Variants in GLIPR1L1 observed in about 807,000 individuals in gnomAD.
GLIPR1L1 encodes the protein GLIPR1-like protein 1.
Under a neutral mutation model 29.9 loss-of-function variants are expected in GLIPR1L1, and 26 were observed. That is an observed-to-expected ratio of 0.87 (90% confidence interval 0.64 to 1.21). GLIPR1L1 has a LOEUF of 1.21. Ranked by LOEUF, GLIPR1L1 falls within the 50% of genes most tolerant of loss-of-function variation. GLIPR1L1 has a pLI of 0.00. For synonymous variants in GLIPR1L1, 77 were observed against 97.5 expected, an observed-to-expected ratio of 0.79 and a Z score of 1.24; for missense variants, 305 against 290.3, an observed-to-expected ratio of 1.05 and a Z score of -0.37.
intron 4 of GLIPR1L1, among the ~76,000 whole-genome samples, chr12:75,363,869 C>A (rs1381832889): frequency 1.3e-5 from 2 of 152,068 alleles, no homozygotes; most frequent in African/African-American, 4.8e-5. Context: ...TCAATACATG[C>A]AAGATGTACA....
intron 3 of GLIPR1L1, 117 bp from the exon 4 acceptor site, chr12:75,362,985 T>G: frequency 1.9e-6 from 1 of 531,482 alleles, no homozygotes; most frequent in East Asian, 3.6e-5. Flanking sequence ...GACATTATTA[T>G]TTTTCATTTT....
rs577217850 is a variant in GLIPR1L1, at chr12:75,369,847, A to C, written c.611-113A>C. On this transcript the variant is annotated intron_variant, in intron 4 of 5. Coordinates refer to ENST00000378695, the MANE Select transcript of GLIPR1L1 (RefSeq NM_001304964.2). ...GGAAAGTTTCATTTTCTTGTTAAAA[A>C]GTCAAACTAATTTTTGTTAGTTGAT... 173 of 1,334,370 alleles carry C rather than the reference A, an allele frequency of 1.3e-4. No homozygotes were observed. The African/African-American group carries it at 2.1e-3, about 17-fold the overall frequency. The allele number at this position is 1,334,370 out of a possible 1,614,324, so 82.7% of individuals were successfully genotyped here. A position where few individuals can be genotyped will look rare whatever the true frequency, so the allele number is the denominator to read the frequency against.
chr12:75,335,758 A>G (rs563821016), intron 1 of GLIPR1L1, among the ~76,000 whole-genome samples: 121 of 152,224 alleles, frequency 7.9e-4, no homozygotes, highest in Non-Finnish European at 1.5e-3. Context: ...AGAATAAACT[A>G]ATCTCTTTAA....
rs560518842 is a variant in GLIPR1L1 at position 75,361,187 on chromosome 12, C to T, written c.522-1915C>T. 2.6e-3 allele frequency among the ~76,000 whole-genome samples: 390 copies of T among 152,008 alleles called. 3 individuals carry two copies. Among genetic ancestry groups the T allele is most frequent in the Non-Finnish European group, 4.3e-3 (291 of 67,980 alleles). ...GAATGAAGAGTGTGTGCTGATTGGT[C>T]TGTTGGTATGCCAAAAAAAATAAAT... is the stretch of plus-strand genomic sequence containing the variant. On this transcript the variant is annotated intron_variant, in intron 3 of 5. Transcript: ENST00000378695.
chr12:75,354,025 TG>T (rs981370102), intron 3 of GLIPR1L1, among the ~76,000 whole-genome samples: 1 of 152,070 alleles, frequency 6.6e-6, no homozygotes, highest in Admixed American at 6.6e-5. Context: ...GAGAAACCCA[TG>T]GCCAATGTCA....
At chr12:75,367,423 A>C (rs898489229) in intron 4 of GLIPR1L1, among the ~76,000 whole-genome samples, 1 of 152,086 alleles carries the variant, frequency 6.6e-6, no homozygotes, top group Non-Finnish European at 1.5e-5. Context: ...TTACTGTTTA[A>C]ACTTTTTGTT....
chr12:75,364,048 C>T (rs144812399), intron 4 of GLIPR1L1, among the ~76,000 whole-genome samples: 122 of 152,208 alleles, frequency 8.0e-4, no homozygotes, highest in African/African-American at 2.7e-3. Context: ...TTGTGGAGAC[C>T]AAGGGTTTAT....
At chr12:75,354,138 G>C (rs758848752) in intron 3 of GLIPR1L1, among the ~76,000 whole-genome samples, 23 of 133,428 alleles carry the variant, frequency 1.7e-4, no homozygotes, top group Non-Finnish European at 3.1e-4. Flanking sequence ...GGAAGTTCTG[G>C]CCAGAGCAAT....
intron 4 of GLIPR1L1, among the ~76,000 whole-genome samples, chr12:75,364,193 A>C (rs4462386): frequency 0.87 from 132,473 of 152,142 alleles, 57,950 homozygotes; most frequent in East Asian, 1. Context: ...TTTCTGAATT[A>C]CAAAAGGGAG....
chr12:75,366,751 A>G (rs750513854), intron 4 of GLIPR1L1: 37 of 626,990 alleles, frequency 5.9e-5, no homozygotes, highest in Non-Finnish European at 2.6e-5. Context: ...TTTACCAATG[A>G]GTCATTTCCA....
intron 1 of GLIPR1L1, among the ~76,000 whole-genome samples, chr12:75,342,957 T>A (rs1463641850): frequency 8.6e-6 from 1 of 116,534 alleles, no homozygotes; most frequent in Non-Finnish European, 1.9e-5. Flanking sequence ...TATAGATATA[T>A]AATAGATTTT....
rs115736666 is a variant in GLIPR1L1, at chr12:75,347,656, C to G, written c.455C>G (p.Ala152Gly). The change falls in exon 3 of 6, where the codon GCA becomes GGA. Residue 152 changes from alanine (A) to glycine (G), a missense_variant. Ala to Gly is a moderately conservative substitution (Grantham distance 60). Coordinates refer to ENST00000378695, the MANE Select transcript of GLIPR1L1 (RefSeq NM_001304964.2). Reference sequence around the variant, plus strand: ...GCCAATTCATTTTATGTCGGTTGTGCAGTTGCAATGTGTCCTAACCTTGGG... The same window carrying G: ...GCCAATTCATTTTATGTCGGTTGTGGAGTTGCAATGTGTCCTAACCTTGGG... ...VWANSFYVGCAVAMCPNLGGA... is the reference protein window; with the variant it reads ...VWANSFYVGCGVAMCPNLGGA... The G allele has an allele frequency of 1.5e-3, 2,465 of 1,608,776 alleles. 25 individuals are homozygous for G. The African/African-American group carries it at 0.029, about 19-fold the overall frequency.
intron 4 of GLIPR1L1, among the ~76,000 whole-genome samples, chr12:75,365,622 A>G (rs74108729): frequency 0.015 from 2,333 of 152,280 alleles, 48 homozygotes; most frequent in African/African-American, 0.053. Context: ...ATTGTTAAAT[A>G]TAACTTTAGA....
chr12:75,335,912 T>A (rs1351096899), intron 1 of GLIPR1L1, among the ~76,000 whole-genome samples: 1 of 152,000 alleles, frequency 6.6e-6, no homozygotes, highest in Non-Finnish European at 1.5e-5. Context: ...AGAGTTTTAT[T>A]GTAAATGTAT....
At chr12:75,342,473 C>G (rs899410354) in intron 1 of GLIPR1L1, among the ~76,000 whole-genome samples, 2 of 152,024 alleles carry the variant, frequency 1.3e-5, no homozygotes, top group African/African-American at 2.4e-5. Flanking sequence ...TAAAAATAAC[C>G]TTGGCAATTA....
chr12:75,355,714 C>T (rs2139501457), intron 3 of GLIPR1L1, among the ~76,000 whole-genome samples: 1 of 152,266 alleles, frequency 6.6e-6, no homozygotes, highest in Non-Finnish European at 1.5e-5. Context: ...ATAGCAAAGA[C>T]ATGGAATCAA....
intron 4 of GLIPR1L1, among the ~76,000 whole-genome samples, chr12:75,367,625 TA>T (rs1196987610): frequency 1.3e-5 from 2 of 152,140 alleles, no homozygotes; most frequent in South Asian, 2.1e-4. Context: ...TTTATTGCCT[TA>T]AAAAATTTAA....
chr12:75,347,589 C>A, intron 2 of GLIPR1L1, 33 bp from the exon 3 acceptor site: 2 of 1,389,726 alleles, frequency 1.4e-6, no homozygotes, highest in Non-Finnish European at 2.0e-6. Flanking sequence ...AATTGTTTTC[C>A]ATATTTTATC....
At chr12:75,358,737 TG>T (rs907489175) in intron 3 of GLIPR1L1, among the ~76,000 whole-genome samples, 2 of 139,334 alleles carry the variant, frequency 1.4e-5, no homozygotes, top group East Asian at 2.0e-4. Flanking sequence ...ATTATATATA[TG>T]GTTTAAATAT....
Sources: gnomAD v4.1 joint callset for allele counts (sites outside exome capture counted in the v4.1 genomes callset) on GRCh38, gnomAD v4.1.1 for gene constraint, MANE v1.5 for transcripts, NCBI Gene and HGNC (gene_info 2026-07-23, HGNC 2026-07-21) for gene names.